The following LRRC18 variants were observed in gnomAD, a reference collection of about 807,000 sequenced individuals.
The protein encoded by LRRC18 is leucine-rich repeat-containing protein 18.
In LRRC18, 12 loss-of-function variants were observed where a neutral mutation model predicts 11.2. The ratio of observed to expected loss-of-function variants is 1.07; its 90% CI spans 0.69 to 1.74. The LOEUF is 1.74. Among genes scored for constraint, LRRC18 ranks in the 40% most tolerant of loss-of-function variants. The pLI, the probability that LRRC18 is intolerant of heterozygous loss-of-function variation, is 0.00. For synonymous variants in LRRC18, 155 were observed against 130.6 expected, an observed-to-expected ratio of 1.19 and a Z score of -1.27; for missense variants, 374 against 330.5, an observed-to-expected ratio of 1.13 and a Z score of -1.02.
the LRRC18 span, among the ~76,000 whole-genome samples, chr10:48,936,239 AT>A: frequency 1.4e-3 from 215 of 152,260 alleles, 1 homozygote; most frequent in African/African-American, 3.3e-3. Context: ...TAACTATAAC[AT>A]TTTTTAATAC....
chr10:48,921,427 A>G, the LRRC18 span, among the ~76,000 whole-genome samples: 1 of 152,228 alleles, frequency 6.6e-6, no homozygotes, highest in African/African-American at 2.4e-5. Flanking sequence ...GCAAAAATTA[A>G]ACCTTGGCCT....
At chr10:48,917,683 G>A (rs1437031343), upstream of LRRC18, among the ~76,000 whole-genome samples, 1 of 152,202 alleles carries the variant, frequency 6.6e-6, no homozygotes, top group Non-Finnish European at 1.5e-5. Context: ...TATCAGATGA[G>A]TGAAAAATAA....
At chr10:48,911,110 C>T (rs758918558) in intron 1 of LRRC18, among the ~76,000 whole-genome samples, 2 of 152,160 alleles carry the variant, frequency 1.3e-5, no homozygotes, top group Non-Finnish European at 2.9e-5. Flanking sequence ...CAGATTGGCT[C>T]CCTTATGGAT....
the LRRC18 span, among the ~76,000 whole-genome samples, chr10:48,919,703 C>T: frequency 2.6e-5 from 4 of 152,154 alleles, no homozygotes; most frequent in African/African-American, 9.7e-5. Flanking sequence ...GGCATAAATT[C>T]CATTTATGAA....
At chr10:48,937,005 C>CACCTCCCG in the LRRC18 span, among the ~76,000 whole-genome samples, 2 of 151,738 alleles carry the variant, frequency 1.3e-5, no homozygotes, top group Admixed American at 1.3e-4. Flanking sequence ...CTGCAAACTT[C>CACCTCCCG]ACCTCCCGGG....
At chr10:48,928,014 G>T in the LRRC18 span, among the ~76,000 whole-genome samples, 4 of 152,182 alleles carry the variant, frequency 2.6e-5, no homozygotes, top group Non-Finnish European at 5.9e-5. Flanking sequence ...GGCAGACCTG[G>T]CCCCTTTGAA....
At chr10:48,916,627 C>T (rs942197154), upstream of LRRC18, among the ~76,000 whole-genome samples, 3 of 152,114 alleles carry the variant, frequency 2.0e-5, no homozygotes, top group Non-Finnish European at 4.4e-5. Context: ...ACCAAAAAGT[C>T]GGGGGAGAAG....
chr10:48,922,999 G>A, the LRRC18 span, among the ~76,000 whole-genome samples: 20 of 152,176 alleles, frequency 1.3e-4, no homozygotes, highest in Non-Finnish European at 2.5e-4. Flanking sequence ...TTGAAGCTTA[G>A]AGAACTGTGC....
chr10:48,924,424 G>A, the LRRC18 span, among the ~76,000 whole-genome samples: 3 of 152,334 alleles, frequency 2.0e-5, no homozygotes, highest in Non-Finnish European at 4.4e-5. Context: ...GTAAGAGTGG[G>A]ATCAACCCAC....
rs186297793 is a variant in LRRC18, at chr10:48,913,412, C to A, written c.744G>T (p.Lys248Asn). Residue 248 changes from lysine (K) to asparagine (N), a missense_variant, in exon 1 of 2, where the codon AAG becomes AAT. By Grantham distance (94) the Lys-to-Asn change is moderately conservative. Coordinates refer to ENST00000374160, the Ensembl canonical transcript of LRRC18. ...GTCACCTCCAGTCTTCCCAGGAGTCCTTGGCCATGGAATTGGGTGAGATCA... is the reference window on the plus strand; with the variant it reads ...GTCACCTCCAGTCTTCCCAGGAGTCATTGGCCATGGAATTGGGTGAGATCA... 22 of 1,612,444 alleles carry A rather than the reference C, an allele frequency of 1.4e-5. No homozygotes were observed. In the East Asian group the frequency reaches 1.8e-4, roughly 13 times the overall value.
the LRRC18 span, among the ~76,000 whole-genome samples, chr10:48,924,631 A>C: frequency 6.6e-6 from 1 of 152,156 alleles, no homozygotes; most frequent in South Asian, 2.1e-4. Context: ...ATTTTTTTTT[A>C]TACTTTGGAA....
upstream of LRRC18, among the ~76,000 whole-genome samples, chr10:48,914,861 G>A (rs116112240): frequency 7.0e-3 from 1,071 of 152,298 alleles, 13 homozygotes; most frequent in African/African-American, 0.024. Context: ...CCCATCATGA[G>A]CACACAGGGG....
the LRRC18 span, among the ~76,000 whole-genome samples, chr10:48,926,238 C>T: frequency 1.3e-5 from 2 of 152,318 alleles, no homozygotes; most frequent in South Asian, 2.1e-4. Context: ...TTAAGGAAGG[C>T]CACTAGCCCC....
At chr10:48,910,178 C>T (rs957428244) in exon 2 of LRRC18, 3 of 1,444,112 alleles carry the variant, frequency 2.1e-6, no homozygotes, top group African/African-American at 2.8e-5. Flanking sequence ...GGGGCTTCTC[C>T]TCTTCAGAGT....
chr10:48,921,914 T>A, the LRRC18 span, among the ~76,000 whole-genome samples: 1 of 152,222 alleles, frequency 6.6e-6, no homozygotes. Context: ...CGGAAATTTC[T>A]TATAAAATTA....
intron 1 of LRRC18, among the ~76,000 whole-genome samples, chr10:48,911,480 A>G (rs1030976111): frequency 3.9e-5 from 6 of 152,258 alleles, no homozygotes; most frequent in Non-Finnish European, 8.8e-5. Context: ...ATAGGCTCTC[A>G]TCACAAGACT....
the LRRC18 span, among the ~76,000 whole-genome samples, chr10:48,931,728 A>C: frequency 2.0e-5 from 3 of 152,226 alleles, no homozygotes; most frequent in Admixed American, 2.0e-4. Context: ...TTCTGTAGAA[A>C]CTTTTCCTAA....
the LRRC18 span, among the ~76,000 whole-genome samples, chr10:48,933,085 G>C: frequency 6.6e-6 from 1 of 152,142 alleles, no homozygotes; most frequent in African/African-American, 2.4e-5. Flanking sequence ...CAGGAGAAGA[G>C]GGGAGTCTGT....
At chr10:48,913,738 G>T (rs1838231215) in exon 1 of LRRC18, 3 of 1,613,512 alleles carry the variant, frequency 1.9e-6, no homozygotes, top group Non-Finnish European at 2.5e-6. Context: ...AGGGCCCCCA[G>T]TGTGGTGGGC....
Sources: gnomAD v4.1 joint callset for allele counts (sites outside exome capture counted in the v4.1 genomes callset) on GRCh38, gnomAD v4.1.1 for gene constraint, MANE v1.5 for transcripts, NCBI Gene and HGNC (gene_info 2026-07-23, HGNC 2026-07-21) for gene names.